BTD: variants seen among roughly 807,000 people sequenced by gnomAD.
BTD encodes biotinidase.
BTD carries 13 observed loss-of-function variants against 17.7 expected under a neutral mutation model. The observed-to-expected ratio is 0.74, with a 90% CI of 0.48 to 1.17. The LOEUF is 1.17. Among genes scored for constraint, BTD ranks in the 50% most tolerant of loss-of-function variants. The probability of loss-of-function intolerance (pLI) is 0.00; values close to 1 mark genes in which losing one functional copy is unlikely to be tolerated. For missense variants in BTD, 674 were observed against 650.4 expected, an observed-to-expected ratio of 1.04 and a Z score of -0.39; for synonymous variants, 240 against 245.2, an observed-to-expected ratio of 0.98 and a Z score of 0.20.
At chr3:15,673,496 T>C (rs904535075) in intron 3 of BTD, among the ~76,000 whole-genome samples, 4 of 152,186 alleles carry the variant, frequency 2.6e-5, no homozygotes, top group African/African-American at 7.2e-5. Context: ...TTCACTTTAG[T>C]GGAGAAGACA....
chr3:15,691,778 T>G (rs902591927), intron 3 of BTD, among the ~76,000 whole-genome samples: 1 of 152,204 alleles, frequency 6.6e-6, no homozygotes, highest in African/African-American at 2.4e-5. Flanking sequence ...ATGAAAATTA[T>G]GCTACTGAAA....
Position 15,695,321 on chromosome 3 carries a change from C to T in BTD, c.400-14739C>T, listed in dbSNP as rs186999982. On this transcript the variant is annotated intron_variant, in intron 3 of 3. Transcript: ENST00000672141. ...AACTTTTACCCTAAACCCGTGCTTC[C>T]TTTGGCTCCAAAAAATTAGGTGTTT... The T allele has an allele frequency of 5.6e-4, 440 of 783,756 alleles. 6 individuals are homozygous for T. The African/African-American group carries it at 6.9e-3, about 12-fold the overall frequency. The allele number at this position is 783,756 out of a possible 1,614,324, so 48.6% of individuals were successfully genotyped here. A position where few individuals can be genotyped will look rare whatever the true frequency, so the allele number is the denominator to read the frequency against.
chr3:15,662,775 T>C (rs1360426689), intron 3 of BTD, among the ~76,000 whole-genome samples: 1 of 151,412 alleles, frequency 6.6e-6, no homozygotes, highest in Non-Finnish European at 1.5e-5. Context: ...GCTGGAACTA[T>C]AGGTGTGTGC....
chr3:15,670,406 G>A, intron 3 of BTD: 1 of 1,613,940 alleles, frequency 6.2e-7, no homozygotes, highest in South Asian at 1.1e-5. Context: ...AAAGCTGACT[G>A]TTTTTGAGGT....
chr3:15,683,543 A>C (rs2067767836), intron 3 of BTD, among the ~76,000 whole-genome samples: 1 of 152,212 alleles, frequency 6.6e-6, no homozygotes, highest in Non-Finnish European at 1.5e-5. Flanking sequence ...AAAAACAAAG[A>C]GACTAAACTA....
intron 1 of BTD, chr3:15,602,163 C>T: frequency 1.4e-6 from 2 of 1,409,580 alleles, no homozygotes; most frequent in South Asian, 1.6e-5. Context: ...GCGCACGTTA[C>T]TTAAATCCAG....
chr3:15,690,349 C>A, intron 3 of BTD: 1 of 753,408 alleles, frequency 1.3e-6, no homozygotes, highest in Non-Finnish European at 2.1e-6. Context: ...CAAACTTCTA[C>A]ATCGAGAATT....
chr3:15,712,833 T>C (rs1186795228), downstream of BTD, among the ~76,000 whole-genome samples: 3 of 152,224 alleles, frequency 2.0e-5, no homozygotes, highest in African/African-American at 7.2e-5. Context: ...TCTAGATGGC[T>C]AAATTAATAA....
chr3:15,699,021 T>C (rs2070126011), intron 3 of BTD, among the ~76,000 whole-genome samples: 1 of 152,098 alleles, frequency 6.6e-6, no homozygotes, highest in African/African-American at 2.4e-5. Flanking sequence ...CAAAACAGCA[T>C]GGTACTGGTA....
chr3:15,718,325 C>T (rs1256609817), intron 4 of BTD, among the ~76,000 whole-genome samples: 1 of 152,210 alleles, frequency 6.6e-6, no homozygotes, highest in East Asian at 1.9e-4. Flanking sequence ...ACCAACATCA[C>T]AGGCTGTTGC....
chr3:15,688,435 T>C (rs2068400812), intron 3 of BTD, among the ~76,000 whole-genome samples: 1 of 152,206 alleles, frequency 6.6e-6, no homozygotes. Context: ...TGCAAAGTGA[T>C]ATATAACTTC....
At chr3:15,618,982 A>T (rs1413730608) in intron 1 of BTD, among the ~76,000 whole-genome samples, 1 of 152,186 alleles carries the variant, frequency 6.6e-6, no homozygotes, top group African/African-American at 2.4e-5. Context: ...TTCTACATCG[A>T]TGACAATTTC....
Position 15,641,988 on chromosome 3 carries a change from C to T in BTD, c.330C>T (p.Asp110=). 2 of 1,614,166 alleles carry T rather than the reference C, an allele frequency of 1.2e-6. No individual in the cohort carries two copies. The highest frequency in any genetic ancestry group is 1.1e-5 in the South Asian group (1 of 91,064). ...FTRTSIYPFL[D]FMPSPQVVRW... is the part of the protein sequence containing the mutation. The stretch of plus-strand genomic sequence containing the variant: ...GAACATCCATTTATCCATTTTTGGA[C>T]TTCATGCCGTCTCCCCAGGTGGTCA... Residue 110 remains aspartate, a synonymous_variant, in exon 3 of 4, where the codon GAC becomes GAT. Coordinates refer to ENST00000643237, the MANE Select transcript of BTD (RefSeq NM_001370658.1).
chr3:15,708,782 C>A (rs1427644461), intron 3 of BTD, among the ~76,000 whole-genome samples: 1 of 151,954 alleles, frequency 6.6e-6, no homozygotes, highest in Non-Finnish European at 1.5e-5. Context: ...TTTTTATTTT[C>A]TTCTATTCAT....
At chr3:15,636,038 A>G (rs760066) in intron 2 of BTD, among the ~76,000 whole-genome samples, 37,080 of 151,794 alleles carry the variant, frequency 0.24, 7,313 homozygotes, top group African/African-American at 0.52. Flanking sequence ...GTACATAAGA[A>G]TCACGAGGTA....
chr3:15,612,731 A>G (rs2064674630), intron 1 of BTD, among the ~76,000 whole-genome samples: 1 of 150,058 alleles, frequency 6.7e-6, no homozygotes, highest in African/African-American at 2.5e-5. Context: ...ATTGTTGTAT[A>G]AAAATTTACC....
At chr3:15,669,950 T>C in intron 3 of BTD, 1 of 231,516 alleles carries the variant, frequency 4.3e-6, no homozygotes, top group Non-Finnish European at 8.5e-6. Context: ...TCTGTTACAA[T>C]AGTGTTGCTT....
rs138097936 is a variant in BTD at position 15,710,398 on chromosome 3, G to C, written c.*324G>C. On this transcript the variant is annotated 3_prime_UTR_variant, in exon 4 of 4. Transcript: ENST00000672141. ...CAAGTCTGTTGTCCCTCTCTCTGTA[G>C]GCAAGTTACGTGGAAGTTAGGTTTT... Among the ~76,000 whole-genome samples, 548 of 152,236 alleles carry C rather than the reference G, an allele frequency of 3.6e-3. 7 individuals carry two copies. Among genetic ancestry groups the C allele is most frequent in the African/African-American group, 0.013 (529 of 41,540 alleles).
intron 3 of BTD, among the ~76,000 whole-genome samples, chr3:15,665,572 C>T (rs538941426): frequency 6.6e-6 from 1 of 152,310 alleles, no homozygotes; most frequent in Admixed American, 6.5e-5. Flanking sequence ...GAAAGGCTAC[C>T]AAGCATTCCC....
Sources: allele counts gnomAD v4.1 joint callset (sites outside exome capture counted in the v4.1 genomes callset), GRCh38; gene constraint gnomAD v4.1.1; transcripts MANE v1.5; gene names NCBI Gene and HGNC (gene_info 2026-07-23, HGNC 2026-07-21).